The following MYO9A variants were observed in gnomAD, a reference collection of about 807,000 sequenced individuals.
MYO9A encodes the protein unconventional myosin-IXa.
MYO9A carries 103 observed loss-of-function variants against 293.3 expected under a neutral mutation model. The observed-to-expected ratio is 0.35, with a 90% CI of 0.30 to 0.41. MYO9A has a LOEUF of 0.41. Ranked by LOEUF, MYO9A falls within the 10% of genes least tolerant of loss-of-function variation. The pLI, the probability that MYO9A is intolerant of heterozygous loss-of-function variation, is 1.00. For missense variants in MYO9A, 2,685 were observed against 3,033.0 expected (o/e 0.89, Z 2.69); for synonymous variants, 1,001 against 1,035.7 (o/e 0.97, Z 0.64).
In MYO9A at chr15:71,898,158, C is replaced by G; in HGVS notation, c.4345G>C (p.Asp1449His). Reference protein sequence around the residue: ...IQRNKLLENEDTAGEALTLDI... With the variant: ...IQRNKLLENEHTAGEALTLDI... ...AAAGTAAGAGCTTCCCCCGCTGTGTCTTCATTTTCCAATAGTTTGTTTCTT... is the reference window on the plus strand; with the variant it reads ...AAAGTAAGAGCTTCCCCCGCTGTGTGTTCATTTTCCAATAGTTTGTTTCTT... The change falls in exon 25 of 42, where the codon GAC becomes CAC. Residue 1449 changes from aspartate (D) to histidine (H), a missense_variant. Transcript: ENST00000356056. 3 of 1,614,102 alleles carry G rather than the reference C, an allele frequency of 1.9e-6. No homozygotes were observed. The highest frequency in any genetic ancestry group is 2.5e-6 in the Non-Finnish European group (3 of 1,180,034).
chr15:72,059,987 C>T (rs2078833164), intron 1 of MYO9A, among the ~76,000 whole-genome samples: 1 of 152,190 alleles, frequency 6.6e-6, no homozygotes, highest in South Asian at 2.1e-4. Context: ...CTACAAGCCA[C>T]CATATGCACA....
chr15:71,911,817 A>C (rs2144516112), intron 19 of MYO9A, among the ~76,000 whole-genome samples: 1 of 152,290 alleles, frequency 6.6e-6, no homozygotes, highest in South Asian at 2.1e-4. Context: ...AAAATCTAAC[A>C]TTAGCCTGCA....
At chr15:71,920,724 G>C (rs1212099522) in intron 18 of MYO9A, among the ~76,000 whole-genome samples, 1 of 152,092 alleles carries the variant, frequency 6.6e-6, no homozygotes, top group Admixed American at 6.5e-5. Flanking sequence ...GAGGTGAGCA[G>C]ATCACTTGAG....
chr15:72,035,013 T>A (rs1298786985), intron 2 of MYO9A, among the ~76,000 whole-genome samples: 1 of 152,204 alleles, frequency 6.6e-6, no homozygotes, highest in Non-Finnish European at 1.5e-5. Context: ...GAAAGCATGT[T>A]CAACATCACC....
At chr15:71,990,659 A>G (rs2076519763) in intron 11 of MYO9A, among the ~76,000 whole-genome samples, 1 of 151,554 alleles carries the variant, frequency 6.6e-6, no homozygotes, top group Admixed American at 6.6e-5. Flanking sequence ...GGGGAGGCTG[A>G]GCCAGGAGGC....
At chr15:72,093,490 C>G (rs2079981532) in intron 1 of MYO9A, among the ~76,000 whole-genome samples, 1 of 150,778 alleles carries the variant, frequency 6.6e-6, no homozygotes, top group Non-Finnish European at 1.5e-5. Context: ...GAGCCGAGAT[C>G]ACACCACTGC....
At chr15:72,031,081 C>T (rs762218084) in intron 3 of MYO9A, among the ~76,000 whole-genome samples, 2 of 152,186 alleles carry the variant, frequency 1.3e-5, no homozygotes, top group Admixed American at 6.5e-5. Context: ...CTGCACACTC[C>T]TTATGAGAAT....
chr15:71,836,677 T>C (rs756405039), intron 39 of MYO9A, among the ~76,000 whole-genome samples: 30 of 152,024 alleles, frequency 2.0e-4, no homozygotes, highest in Non-Finnish European at 3.8e-4. Context: ...CTTACACACA[T>C]AAGGTTGACT....
chr15:71,904,531 T>C (rs1330759731), intron 20 of MYO9A, among the ~76,000 whole-genome samples: 1 of 152,184 alleles, frequency 6.6e-6, no homozygotes, highest in Non-Finnish European at 1.5e-5. Flanking sequence ...TGCACACCTG[T>C]AGTCCCAGCT....
chr15:72,003,759 C>T (rs1211940787), intron 8 of MYO9A, among the ~76,000 whole-genome samples: 1 of 150,426 alleles, frequency 6.6e-6, no homozygotes, highest in Non-Finnish European at 1.5e-5. Flanking sequence ...ATATCCAATA[C>T]ATCATTTTTA....
chr15:71,893,185 A>G, intron 26 of MYO9A: 1 of 1,261,010 alleles, frequency 7.9e-7, no homozygotes, highest in South Asian at 1.3e-5. Flanking sequence ...AACCTGCTTG[A>G]CCAAATGATA....
intron 2 of MYO9A, among the ~76,000 whole-genome samples, chr15:72,037,911 CTTT>C (rs918016153): frequency 1.4e-5 from 2 of 139,982 alleles, no homozygotes; most frequent in Admixed American, 7.2e-5. Flanking sequence ...AGACTATCAG[CTTT>C]TTTTTTTTTT....
At chr15:72,114,882 A>C (rs2080912331) in intron 1 of MYO9A, among the ~76,000 whole-genome samples, 1 of 152,240 alleles carries the variant, frequency 6.6e-6, no homozygotes, top group Non-Finnish European at 1.5e-5. Context: ...AAACCTTAAT[A>C]TTCTTGGCAA....
chr15:72,099,354 C>T (rs1189200820), intron 1 of MYO9A, among the ~76,000 whole-genome samples: 2 of 146,564 alleles, frequency 1.4e-5, no homozygotes, highest in Non-Finnish European at 1.5e-5. Flanking sequence ...TCACAACAAT[C>T]GCTTGAACCT....
At chr15:72,061,241 A>T (rs1244851000) in intron 1 of MYO9A, among the ~76,000 whole-genome samples, 2 of 152,178 alleles carry the variant, frequency 1.3e-5, no homozygotes, top group Non-Finnish European at 2.9e-5. Flanking sequence ...CTAACTTCAG[A>T]TGTAACCCAG....
At chr15:71,871,508 C>A (rs2056512541) in intron 32 of MYO9A, among the ~76,000 whole-genome samples, 2 of 151,028 alleles carry the variant, frequency 1.3e-5, no homozygotes, top group Admixed American at 6.6e-5. Flanking sequence ...CAGCCTGGGC[C>A]CCATGGTGAA....
At chr15:71,878,312 G>T in intron 30 of MYO9A, 81 bp from the exon 31 acceptor site, 1 of 943,608 alleles carries the variant, frequency 1.1e-6, no homozygotes, top group Non-Finnish European at 1.5e-6. Context: ...TTGTAATGGG[G>T]TAGTATTTAG....
In MYO9A at chr15:71,898,070, AAAG is replaced by A; in HGVS notation, c.4430_4432del (p.Ser1477del). On this transcript the variant is annotated inframe_deletion, in exon 25 of 42. Transcript: ENST00000356056. ...CACAGGATTAGAAGACTCTGTATTC[AAAG>A]AAGGAACAATCTGATCTTTTCCTGA... 1 of 1,614,196 alleles carries A rather than the reference AAAG, an allele frequency of 6.2e-7. No individual in the cohort carries two copies. Among genetic ancestry groups the A allele is most frequent in the Non-Finnish European group, 8.5e-7 (1 of 1,180,046 alleles).
At chr15:71,955,644 A>G (rs1015367043) in intron 14 of MYO9A, among the ~76,000 whole-genome samples, 1 of 152,232 alleles carries the variant, frequency 6.6e-6, no homozygotes, top group African/African-American at 2.4e-5. Context: ...AAAGCACTTT[A>G]GAATATTCTT....
Sources: allele counts gnomAD v4.1 joint callset (sites outside exome capture counted in the v4.1 genomes callset), GRCh38; gene constraint gnomAD v4.1.1; transcripts MANE v1.5; gene names NCBI Gene and HGNC (gene_info 2026-07-23, HGNC 2026-07-21).